Variants in TANC2 observed in about 807,000 individuals in gnomAD.
TANC2 encodes the protein protein TANC2.
TANC2 carries 26 observed loss-of-function variants against 210.5 expected under a neutral mutation model. That is an observed-to-expected ratio of 0.12 (90% CI 0.09 to 0.17). The LOEUF is 0.17. TANC2 is among the 10% of genes least tolerant of loss of function. The pLI is 1.00. For synonymous variants in TANC2, 931 were observed against 967.1 expected, an observed-to-expected ratio of 0.96 and a Z score of 0.69; for missense variants, 2,129 against 2,608.9, an observed-to-expected ratio of 0.82 and a Z score of 4.01.
exon 14 of TANC2, chr17:63,354,896 A>T (rs199972865): frequency 6.2e-7 from 1 of 1,613,858 alleles, no homozygotes; most frequent in Non-Finnish European, 8.5e-7. Context: ...ACAGCAGCTC[A>T]GAGATCCAGA....
intron 2 of TANC2, among the ~76,000 whole-genome samples, chr17:63,070,063 T>C (rs767340718): frequency 6.6e-6 from 1 of 152,236 alleles, no homozygotes; most frequent in African/African-American, 2.4e-5. Context: ...GATTTTCATA[T>C]TCAAAATATA....
At chr17:63,040,807 G>T (rs970222501) in intron 2 of TANC2, among the ~76,000 whole-genome samples, 2 of 152,126 alleles carry the variant, frequency 1.3e-5, no homozygotes, top group Non-Finnish European at 2.9e-5. Context: ...AATGCTGCTG[G>T]TATATTATTT....
At chr17:63,415,485 C>T (rs747098532) in intron 25 of TANC2, 43 bp from the exon 26 acceptor site, 37 of 1,606,908 alleles carry the variant, frequency 2.3e-5, no homozygotes, top group Non-Finnish European at 3.1e-5. Flanking sequence ...CTCAGCTGTT[C>T]AGCAGACCAA....
At chr17:63,270,603 C>T (rs2043670547) in intron 9 of TANC2, among the ~76,000 whole-genome samples, 1 of 152,060 alleles carries the variant, frequency 6.6e-6, no homozygotes, top group African/African-American at 2.4e-5. Flanking sequence ...GTATATCTTT[C>T]CACTTTAGAA....
intron 2 of TANC2, among the ~76,000 whole-genome samples, chr17:63,026,658 TGAATGAATAACTATTCA>T (rs2034567315): frequency 6.6e-6 from 1 of 152,178 alleles, no homozygotes; most frequent in Admixed American, 6.5e-5. Flanking sequence ...GATCATATAT[TGAATGAATAACTATTCA>T]GAGATAAAAT....
chr17:63,353,190 G>A (rs1330794291), intron 13 of TANC2, among the ~76,000 whole-genome samples: 5 of 152,172 alleles, frequency 3.3e-5, no homozygotes, highest in Non-Finnish European at 7.3e-5. Flanking sequence ...GAGTGATAAT[G>A]ATGGGGACCA....
intron 12 of TANC2, among the ~76,000 whole-genome samples, chr17:63,344,725 C>T (rs1001070671): frequency 2.6e-5 from 4 of 152,180 alleles, no homozygotes; most frequent in East Asian, 1.9e-4. Flanking sequence ...TTTAAAACTA[C>T]GTGGCAGTTT....
intron 6 of TANC2, among the ~76,000 whole-genome samples, chr17:63,194,357 C>T (rs746093323): frequency 4.6e-5 from 7 of 152,172 alleles, no homozygotes; most frequent in East Asian, 1.9e-4. Flanking sequence ...AATGAATGAA[C>T]GAGCAAGCCA....
rs201893493 is a variant in TANC2 at position 63,220,738 on chromosome 17, G to A, written c.770-17076G>A. On this transcript the variant is annotated intron_variant, in intron 7 of 27. Transcript: ENST00000689528. ...AAAAAAAATATATATATATATATAT[G>A]TATATATATATGTGTATATACGTGT... Among the ~76,000 whole-genome samples the A allele has an allele frequency of 6.8e-4, 90 of 132,176 alleles. 1 individual carries two copies. In the East Asian group the frequency reaches 0.011, roughly 16 times the overall value. The allele number at this position is 132,176 out of a possible 152,430, so 86.7% of individuals were successfully genotyped here.
At chr17:63,378,817 A>T (rs1030431493) in intron 14 of TANC2, among the ~76,000 whole-genome samples, 2 of 152,264 alleles carry the variant, frequency 1.3e-5, no homozygotes, top group Non-Finnish European at 2.9e-5. Context: ...TCTCAGCTGG[A>T]GGGAAAGGGT....
intron 5 of TANC2, among the ~76,000 whole-genome samples, chr17:63,155,846 A>G (rs1232580263): frequency 6.6e-6 from 1 of 152,112 alleles, no homozygotes; most frequent in South Asian, 2.1e-4. Context: ...AATTTTTTTC[A>G]TTTGGATTTT....
At chr17:63,268,042 A>G (rs2043582358) in intron 9 of TANC2, among the ~76,000 whole-genome samples, 169 bp downstream of exon 9, 1 of 152,234 alleles carries the variant, frequency 6.6e-6, no homozygotes, top group African/African-American at 2.4e-5. Context: ...AGAGAAAGAT[A>G]AACACAAATA....
intron 11 of TANC2, among the ~76,000 whole-genome samples, chr17:63,325,600 G>T (rs1474540441): frequency 1.3e-5 from 2 of 152,146 alleles, no homozygotes; most frequent in Non-Finnish European, 2.9e-5. Flanking sequence ...GCAGACAGGG[G>T]TCATAGCTAT....
At chr17:63,194,596 A>G (rs1206974617) in intron 6 of TANC2, among the ~76,000 whole-genome samples, 1 of 152,176 alleles carries the variant, frequency 6.6e-6, no homozygotes. Flanking sequence ...ATTAGTTCAG[A>G]TTTTCTACTT....
intron 4 of TANC2, among the ~76,000 whole-genome samples, chr17:63,120,537 C>T (rs1234263941): frequency 6.6e-6 from 1 of 152,090 alleles, no homozygotes; most frequent in Admixed American, 6.5e-5. Context: ...TTTTCAAGGC[C>T]AGGTGGTGAC....
intron 4 of TANC2, among the ~76,000 whole-genome samples, chr17:63,120,458 C>CATTT (rs1161723586): frequency 6.6e-6 from 1 of 152,100 alleles, no homozygotes; most frequent in East Asian, 1.9e-4. Context: ...TTTGGATGAT[C>CATTT]ATTTAGCCCC....
At chr17:63,179,542 A>C (rs2040706788) in intron 5 of TANC2, among the ~76,000 whole-genome samples, 2 of 152,316 alleles carry the variant, frequency 1.3e-5, no homozygotes, top group South Asian at 4.1e-4. Flanking sequence ...ACTACTACTA[A>C]TAGTACTATC....
At chr17:62,977,517 TTG>T (rs1222587766) in intron 1 of TANC2, among the ~76,000 whole-genome samples, 1 of 152,036 alleles carries the variant, frequency 6.6e-6, no homozygotes, top group African/African-American at 2.4e-5. Context: ...GATAATTTAA[TTG>T]TTTTTGTCTT....
Position 63,421,185 on chromosome 17 carries a change from C to G in TANC2, c.5455C>G (p.Leu1819Val). ...CCCAGTCTGTCACTCAAAACTAGAT[C>G]TGGAGCGCTCCTCCAGCCAACTAGG... The change falls in exon 28 of 28, where the codon CTG becomes GTG. Residue 1819 changes from leucine to valine, a missense_variant. Leu to Val is a conservative substitution (Grantham distance 32). Coordinates refer to ENST00000689528, the Ensembl canonical transcript of TANC2. This position sits in a 1 kb window ranked among gnomAD's most constrained non-coding sequence, Gnocchi z 6.9. 6.2e-7 allele frequency: 1 copy of G among 1,614,014 alleles called. No homozygotes were observed. The highest frequency in any genetic ancestry group is 1.1e-5 in the South Asian group (1 of 91,084).
Sources: allele counts gnomAD v4.1 joint callset (sites outside exome capture counted in the v4.1 genomes callset), GRCh38; gene constraint gnomAD v4.1.1; non-coding constraint Gnocchi (gnomAD v3.1); transcripts MANE v1.5; gene names NCBI Gene and HGNC (gene_info 2026-07-23, HGNC 2026-07-21).